The following RELN variants were observed in gnomAD, a reference collection of about 807,000 sequenced individuals.
RELN encodes the protein reelin.
In RELN, 108 loss-of-function variants were observed where a neutral mutation model predicts 427.6. The observed-to-expected ratio is 0.25, with a 90% CI of 0.22 to 0.30. The LOEUF is 0.30. RELN is among the 10% of genes least tolerant of loss of function. The probability of loss-of-function intolerance (pLI) is 1.00; values close to 1 mark genes in which losing one functional copy is unlikely to be tolerated. For missense variants in RELN, 3,715 were observed against 4,302.8 expected (o/e 0.86, Z 3.82); for synonymous variants, 1,524 against 1,513.4 (o/e 1.01, Z -0.16).
At chr7:103,793,807 C>A (rs1009328047) in intron 3 of RELN, among the ~76,000 whole-genome samples, 1 of 152,150 alleles carries the variant, frequency 6.6e-6, no homozygotes, top group Non-Finnish European at 1.5e-5. Flanking sequence ...TGCTTTGTCA[C>A]CCAGGCTAAA....
At chr7:103,555,484 A>G (rs1830502340) in intron 38 of RELN, among the ~76,000 whole-genome samples, 1 of 152,098 alleles carries the variant, frequency 6.6e-6, no homozygotes, top group Non-Finnish European at 1.5e-5. Flanking sequence ...CACTCCAAAC[A>G]TAGTATGAAG....
At chr7:103,512,403 A>G (rs899580569) in intron 50 of RELN, among the ~76,000 whole-genome samples, 1 of 152,128 alleles carries the variant, frequency 6.6e-6, no homozygotes, top group Admixed American at 6.6e-5. Context: ...TTAATATTTG[A>G]TTATTTATGT....
chr7:103,820,186 A>T (rs1792979401), intron 3 of RELN, among the ~76,000 whole-genome samples: 1 of 152,076 alleles, frequency 6.6e-6, no homozygotes, highest in African/African-American at 2.4e-5. Flanking sequence ...GAATTCCCTA[A>T]GATAAATTTA....
At position 103,540,259 on chromosome 7, in the gene RELN, G is replaced by A. The variant is rs1275980031; in HGVS notation, c.6868C>T (p.Arg2290Cys). Residue 2290 changes from arginine to cysteine, a missense_variant, in exon 44 of 65, where the codon CGC (arginine) becomes TGC (cysteine). Coordinates refer to ENST00000428762, the MANE Select transcript of RELN (RefSeq NM_005045.4). ...IPLKARSGST[R>C]LRWWQPSENG... Reference sequence around the variant, plus strand: ...TCAGACGGTTGCCACCAGCGAAGGCGAGTAGAACCAGAACGGGCTTTCAAG... The same window carrying A: ...TCAGACGGTTGCCACCAGCGAAGGCAAGTAGAACCAGAACGGGCTTTCAAG... The A allele has an allele frequency of 8.1e-6, 13 of 1,614,176 alleles. No homozygotes were observed. The highest frequency in any genetic ancestry group is 1.3e-5 in the African/African-American group (1 of 75,032).
chr7:103,531,872 G>T (rs1829947381), intron 46 of RELN, among the ~76,000 whole-genome samples: 1 of 152,166 alleles, frequency 6.6e-6, no homozygotes, highest in African/African-American at 2.4e-5. Flanking sequence ...TTCAACCATT[G>T]TGGAAGACAG....
chr7:103,800,377 C>T (rs1245175661), intron 3 of RELN, among the ~76,000 whole-genome samples: 1 of 152,112 alleles, frequency 6.6e-6, no homozygotes, highest in Non-Finnish European at 1.5e-5. Flanking sequence ...GAGTGAACTC[C>T]CATTCACAAT....
chr7:103,851,457 A>T (rs1793819821), intron 2 of RELN, among the ~76,000 whole-genome samples: 1 of 152,176 alleles, frequency 6.6e-6, no homozygotes, highest in African/African-American at 2.4e-5. Context: ...GTAACAAAAT[A>T]CCACTTGTAC....
intron 17 of RELN, among the ~76,000 whole-genome samples, chr7:103,638,197 T>G (rs902843600): frequency 6.6e-6 from 1 of 152,224 alleles, no homozygotes; most frequent in Non-Finnish European, 1.5e-5. Flanking sequence ...CTAATCCATC[T>G]ACACATGCTT....
chr7:103,500,648 A>G (rs1310109762), intron 53 of RELN, 97 bp downstream of exon 53: 10 of 1,264,216 alleles, frequency 7.9e-6, no homozygotes, highest in Non-Finnish European at 1.1e-5. Context: ...TGGGGGACCC[A>G]AAGGACATTG....
At chr7:103,813,442 CA>C (rs1339372805) in intron 3 of RELN, among the ~76,000 whole-genome samples, 1 of 152,106 alleles carries the variant, frequency 6.6e-6, no homozygotes, top group African/African-American at 2.4e-5. Context: ...ACTTTATCTT[CA>C]GATGGAGAAG....
intron 57 of RELN, among the ~76,000 whole-genome samples, chr7:103,494,477 T>G (rs1828770186): frequency 6.6e-6 from 1 of 150,522 alleles, no homozygotes; most frequent in African/African-American, 2.4e-5. Flanking sequence ...TGGGCTCGAG[T>G]GATTCTTGTG....
intron 2 of RELN, 96 bp downstream of exon 2, chr7:103,916,979 A>T: frequency 1.1e-6 from 1 of 933,912 alleles, no homozygotes; most frequent in Non-Finnish European, 1.8e-6. Context: ...CTTGGAAGTA[A>T]TAAAGGTCTA....
rs1832203886 is a variant in RELN at position 103,620,917 on chromosome 7, C to T, written c.2702+9023G>A. Among the ~76,000 whole-genome samples, 1 of 152,188 alleles carries T rather than the reference C, an allele frequency of 6.6e-6. No homozygotes were observed. Among genetic ancestry groups the T allele is most frequent in the Non-Finnish European group, 1.5e-5 (1 of 68,042 alleles). On this transcript the variant is annotated intron_variant, in intron 20 of 64. Transcript: ENST00000428762. This position sits in a 1 kb window ranked among gnomAD's most constrained non-coding sequence, Gnocchi z 4.1. ...GAACACACTGGTTGATGTAGTCAGG[C>T]CTGACAGCCCTGGCTGAAAACATTT...
chr7:103,570,336 A>T (rs1180128882), intron 31 of RELN, among the ~76,000 whole-genome samples: 1 of 152,162 alleles, frequency 6.6e-6, no homozygotes, highest in African/African-American at 2.4e-5. Context: ...ATGGATTTGT[A>T]ATTTTCAGAA....
At chr7:103,696,732 A>G (rs2115773969) in intron 10 of RELN, among the ~76,000 whole-genome samples, 1 of 152,210 alleles carries the variant, frequency 6.6e-6, no homozygotes, top group South Asian at 2.1e-4. Context: ...TTGAACTACT[A>G]TCATAAGCCT....
At chr7:103,692,972 G>T (rs1417743843) in intron 10 of RELN, among the ~76,000 whole-genome samples, 1 of 152,066 alleles carries the variant, frequency 6.6e-6, no homozygotes, top group African/African-American at 2.4e-5. Flanking sequence ...CACACCTAAA[G>T]GAATGTGAGT....
At chr7:103,719,245 G>A (rs576258245) in intron 8 of RELN, among the ~76,000 whole-genome samples, 1 of 152,150 alleles carries the variant, frequency 6.6e-6, no homozygotes, top group East Asian at 1.9e-4. Flanking sequence ...TCTGCTCTAG[G>A]AGGGCACGCA....
chr7:103,710,255 T>A (rs1015734971), intron 8 of RELN, among the ~76,000 whole-genome samples: 1 of 152,226 alleles, frequency 6.6e-6, no homozygotes, highest in African/African-American at 2.4e-5. Flanking sequence ...GGACTACTCC[T>A]TCATCACGTT....
At chr7:103,553,627 C>G in intron 39 of RELN, 33 bp downstream of exon 39, 1 of 1,612,758 alleles carries the variant, frequency 6.2e-7, no homozygotes, top group South Asian at 1.1e-5. Context: ...TTGTATACAG[C>G]AGTGGTTTTA....
Sources: allele counts gnomAD v4.1 joint callset (sites outside exome capture counted in the v4.1 genomes callset), GRCh38; gene constraint gnomAD v4.1.1; non-coding constraint Gnocchi (gnomAD v3.1); transcripts MANE v1.5; gene names NCBI Gene and HGNC (gene_info 2026-07-23, HGNC 2026-07-21).